Variants in JAKMIP3 observed in about 807,000 individuals in gnomAD.
JAKMIP3 encodes the protein Janus kinase and microtubule interacting protein 3, also known as janus kinase and microtubule-interacting protein 3.
JAKMIP3 carries 58 observed loss-of-function variants against 118.5 expected under a neutral mutation model. That is an observed-to-expected ratio of 0.49 (90% CI 0.40 to 0.61). JAKMIP3 has a LOEUF of 0.61. Ranked by LOEUF, JAKMIP3 falls within the 20% of genes least tolerant of loss-of-function variation. The pLI, the probability that JAKMIP3 is intolerant of heterozygous loss-of-function variation, is 0.00. For synonymous variants in JAKMIP3, 486 were observed against 451.2 expected, an observed-to-expected ratio of 1.08 and a Z score of -0.98; for missense variants, 950 against 1,109.0, an observed-to-expected ratio of 0.86 and a Z score of 2.04.
intron 1 of JAKMIP3, among the ~76,000 whole-genome samples, chr10:132,096,872 A>C (rs987650609): frequency 6.6e-6 from 1 of 152,188 alleles, no homozygotes; most frequent in Non-Finnish European, 1.5e-5. Context: ...TCCCAGACAC[A>C]GAGCTGAAGA....
chr10:132,177,918 TTGTG>T (rs566751910), intron 23 of JAKMIP3, among the ~76,000 whole-genome samples: 1 of 148,548 alleles, frequency 6.7e-6, no homozygotes, highest in African/African-American at 2.5e-5. Flanking sequence ...GTGCATTTGG[TTGTG>T]TGTGTGCACC....
rs1197737991 is a variant in JAKMIP3 at position 132,184,464 on chromosome 10, A to G, written c.*3211A>G. The G allele has an allele frequency of 6.6e-6, 1 of 152,244 alleles. No homozygotes were observed. Among genetic ancestry groups the G allele is most frequent in the Non-Finnish European group, 1.5e-5 (1 of 68,044 alleles). 9.4% of individuals were successfully genotyped at this position (152,244 alleles called of 1,614,324 possible). A position where few individuals can be genotyped will look rare whatever the true frequency, so the allele number is the denominator to read the frequency against. On this transcript the variant is annotated 3_prime_UTR_variant, in exon 24 of 24. Coordinates refer to ENST00000684848, the MANE Select transcript of JAKMIP3 (RefSeq NM_001323087.2). ...TAATGGAATTCAGTTTAGCCTCAGG[A>G]AACTCATATTGTGAATATAGGTATC...
intron 23 of JAKMIP3, among the ~76,000 whole-genome samples, chr10:132,172,705 GC>G (rs2059619681): frequency 6.6e-6 from 1 of 151,808 alleles, no homozygotes; most frequent in African/African-American, 2.4e-5. Flanking sequence ...CCAGGCCGGC[GC>G]CCTGCAAAGC....
At chr10:132,122,206 G>C (rs1466788520) in intron 3 of JAKMIP3, among the ~76,000 whole-genome samples, 1 of 150,732 alleles carries the variant, frequency 6.6e-6, no homozygotes, top group Non-Finnish European at 1.5e-5. Context: ...GGCTGTCGGG[G>C]CCCTGACTGC....
chr10:132,111,334 G>A (rs2046834590), intron 2 of JAKMIP3, among the ~76,000 whole-genome samples: 1 of 121,348 alleles, frequency 8.2e-6, no homozygotes, highest in South Asian at 3.0e-4. Flanking sequence ...CTGAGGAAGT[G>A]GCCTTGGAGC....
chr10:132,046,080 A>G (rs1036178513), intron 1 of JAKMIP3, among the ~76,000 whole-genome samples: 2 of 152,224 alleles, frequency 1.3e-5, no homozygotes, highest in Admixed American at 1.3e-4. Context: ...CATAGCCATC[A>G]GCCTAGAAGG....
intron 2 of JAKMIP3, among the ~76,000 whole-genome samples, chr10:132,113,744 T>C (rs2047206856): frequency 6.6e-6 from 1 of 152,232 alleles, no homozygotes; most frequent in Non-Finnish European, 1.5e-5. Flanking sequence ...CAATTTTATA[T>C]CGGAAACCTA....
chr10:132,070,304 C>T (rs1008044805), intron 1 of JAKMIP3, among the ~76,000 whole-genome samples: 1 of 152,126 alleles, frequency 6.6e-6, no homozygotes, highest in Non-Finnish European at 1.5e-5. Flanking sequence ...TCCGCCACCA[C>T]ACCCGGCTAA....
At position 132,125,433 on chromosome 10, in the gene JAKMIP3, C is replaced by T. The variant is rs571404484; in HGVS notation, c.633+7859C>T. ...CGTTACGTTCTGCTGGTCTGGTGCT[C>T]CGCCTTGCGGCGTTAGTACCACGTC... On this transcript the variant is annotated intron_variant, in intron 3 of 23. Coordinates refer to ENST00000684848, the MANE Select transcript of JAKMIP3 (RefSeq NM_001323087.2). Among the ~76,000 whole-genome samples, 5 of 152,392 alleles carry T rather than the reference C, an allele frequency of 3.3e-5. No individual in the cohort carries two copies. The South Asian group carries it at 1.0e-3, about 32-fold the overall frequency.
intron 3 of JAKMIP3, among the ~76,000 whole-genome samples, chr10:132,120,921 G>A (rs1320149953): frequency 1.3e-5 from 2 of 152,252 alleles, no homozygotes; most frequent in Non-Finnish European, 2.9e-5. Context: ...AGCCAGGCAG[G>A]TGTGTGGCCG....
intron 13 of JAKMIP3, 140 bp downstream of exon 13, chr10:132,145,720 T>C (rs1327247786): frequency 1.4e-6 from 1 of 706,154 alleles, no homozygotes; most frequent in Non-Finnish European, 2.4e-6. Context: ...CTCTGCTCCC[T>C]CCTGCGGGAC....
At position 132,104,957 on chromosome 10, in the gene JAKMIP3, A is replaced by G. The variant is rs751961106; in HGVS notation, c.135+14A>G. 1.1e-5 allele frequency: 17 copies of G among 1,582,432 alleles called. No individual in the cohort carries two copies. The highest frequency in any genetic ancestry group is 1.2e-5 in the Non-Finnish European group (14 of 1,164,500). ...GAGAAGAGCAAGGTGGGCGCTCCCC[A>G]GACCTCCACCCTTGAATGTCCCTCC... On this transcript the variant is annotated intron_variant, in intron 2 of 23. Coordinates refer to ENST00000684848, the MANE Select transcript of JAKMIP3 (RefSeq NM_001323087.2).
intron 1 of JAKMIP3, among the ~76,000 whole-genome samples, chr10:132,057,519 G>A (rs534887497): frequency 1.2e-3 from 182 of 152,310 alleles, no homozygotes; most frequent in Admixed American, 1.4e-3. Context: ...CTGCCCCGCC[G>A]GTTAGTGTCA....
intron 2 of JAKMIP3, among the ~76,000 whole-genome samples, chr10:132,110,046 T>C (rs1247256254): frequency 6.6e-6 from 1 of 152,234 alleles, no homozygotes; most frequent in Non-Finnish European, 1.5e-5. Flanking sequence ...TCCTATCTAA[T>C]TTCCAGCAGA....
intron 13 of JAKMIP3, among the ~76,000 whole-genome samples, chr10:132,147,466 C>A (rs923685499): frequency 1.3e-5 from 2 of 152,226 alleles, no homozygotes; most frequent in East Asian, 3.8e-4. Context: ...TTCCGGTGGC[C>A]AGGCAGCCGT....
chr10:132,136,987 C>T, intron 6 of JAKMIP3, 32 bp from the exon 7 acceptor site: 3 of 1,605,488 alleles, frequency 1.9e-6, no homozygotes, highest in Non-Finnish European at 2.6e-6. Context: ...CTTCACTCCC[C>T]AACTTGTGAT....
chr10:132,123,557 G>A lies in JAKMIP3; in HGVS notation c.633+5983G>A, dbSNP rs7090498. On this transcript the variant is annotated intron_variant, in intron 3 of 23. Transcript: ENST00000684848. ...TTTCTCCCCAAGTGCTATTTTGGGG[G>A]TAGGGGTAGGAGGAGTAGCCTGTCC... is the stretch of plus-strand genomic sequence containing the variant. 9.2e-3 allele frequency among the ~76,000 whole-genome samples: 1,408 copies of A among 152,312 alleles called. 28 individuals are homozygous for A. The highest frequency in any genetic ancestry group is 0.032 in the African/African-American group (1,332 of 41,554).
intron 8 of JAKMIP3, among the ~76,000 whole-genome samples, chr10:132,137,586 G>A (rs984905841): frequency 2.6e-5 from 4 of 152,140 alleles, no homozygotes; most frequent in Admixed American, 2.0e-4. Context: ...GCCCTTCTCC[G>A]GCTGCTCACC....
intron 1 of JAKMIP3, among the ~76,000 whole-genome samples, chr10:132,097,691 C>T (rs916458507): frequency 1.5e-4 from 22 of 151,178 alleles, no homozygotes; most frequent in African/African-American, 9.7e-5. Flanking sequence ...AGGGGATGTG[C>T]GGCATCTGTA....
Sources: allele counts gnomAD v4.1 joint callset (sites outside exome capture counted in the v4.1 genomes callset), GRCh38; gene constraint gnomAD v4.1.1; transcripts MANE v1.5; gene names NCBI Gene and HGNC (gene_info 2026-07-23, HGNC 2026-07-21).